ATP2B1: variants seen among roughly 807,000 people sequenced by gnomAD.
ATP2B1 encodes ATPase plasma membrane Ca2+ transporting 1, also known as plasma membrane calcium-transporting ATPase 1.
In ATP2B1, 14 loss-of-function variants were observed where a neutral mutation model predicts 124.2. That is an observed-to-expected ratio of 0.11 (90% CI 0.07 to 0.18). The LOEUF (loss-of-function observed/expected upper bound fraction) is 0.18. Ranked by LOEUF, ATP2B1 falls within the 10% of genes least tolerant of loss-of-function variation. The probability of loss-of-function intolerance (pLI) is 1.00; values close to 1 mark genes in which losing one functional copy is unlikely to be tolerated. For synonymous variants in ATP2B1, 449 were observed against 492.4 expected (o/e 0.91, Z 1.17); for missense variants, 763 against 1,466.1 (o/e 0.52, Z 7.83).
At chr12:89,633,244 C>G (rs1414813831) in intron 5 of ATP2B1, among the ~76,000 whole-genome samples, 1 of 151,928 alleles carries the variant, frequency 6.6e-6, no homozygotes, top group African/African-American at 2.4e-5. Context: ...TAAATGACAA[C>G]CACACCAATA....
chr12:89,636,065 A>G (rs1361684467), intron 3 of ATP2B1, among the ~76,000 whole-genome samples: 2 of 152,170 alleles, frequency 1.3e-5, no homozygotes, highest in East Asian at 3.8e-4. Context: ...GGGATAACTG[A>G]GGTTCAGTGA....
intron 11 of ATP2B1, 71 bp downstream of exon 11, chr12:89,619,925 CAAT>C (rs1224609132): frequency 2.6e-6 from 4 of 1,534,204 alleles, no homozygotes; most frequent in African/African-American, 1.4e-5. Flanking sequence ...AAGACAACAA[CAAT>C]AACAACACAG....
chr12:89,607,603 C>T (rs1458031018), intron 15 of ATP2B1, among the ~76,000 whole-genome samples: 4 of 152,070 alleles, frequency 2.6e-5, no homozygotes, highest in Non-Finnish European at 4.4e-5. Flanking sequence ...GGTTTTACTA[C>T]CATAGATGTA....
At chr12:89,659,490 G>C (rs990556072) in intron 1 of ATP2B1, among the ~76,000 whole-genome samples, 1 of 152,092 alleles carries the variant, frequency 6.6e-6, no homozygotes, top group African/African-American at 2.4e-5. Context: ...ACTGTGAATG[G>C]GTAGGGCCTT....
rs540084787 is a variant in ATP2B1, at chr12:89,621,815, C to A, written c.1345-24G>T. 325 of 824,276 alleles carry A rather than the reference C, an allele frequency of 3.9e-4. 1 individual carries two copies. In the East Asian group the frequency reaches 7.2e-3, roughly 18 times the overall value. The allele number at this position is 824,276 out of a possible 1,614,324, so 51.1% of individuals were successfully genotyped here. On this transcript the variant is annotated intron_variant, in intron 9 of 20. Transcript: ENST00000428670. Reference sequence around the variant, plus strand: ...TTCTACAGTGACCAAAAAAAAAAAACTAGTTAAGCTGCATATAAAACCAAT... The same window carrying A: ...TTCTACAGTGACCAAAAAAAAAAAAATAGTTAAGCTGCATATAAAACCAAT...
chr12:89,690,934 T>C (rs1890487218), intron 1 of ATP2B1, among the ~76,000 whole-genome samples: 1 of 152,164 alleles, frequency 6.6e-6, no homozygotes, highest in South Asian at 2.1e-4. Context: ...CCTAGCCTCT[T>C]GTACATTTTC....
chr12:89,636,478 G>A (rs1446415783), intron 3 of ATP2B1, among the ~76,000 whole-genome samples: 2 of 152,200 alleles, frequency 1.3e-5, no homozygotes, highest in African/African-American at 4.8e-5. Context: ...GGGTTGCTAT[G>A]TGAAGTTATT....
chr12:89,625,137 T>C lies in ATP2B1; in HGVS notation c.1130-740A>G, dbSNP rs148552618. ...TACAAAAATTAGCTGGGCATGGTGG[T>C]GCGTGCCTGTAATACCAGCTACTCA... On this transcript the variant is annotated intron_variant, in intron 8 of 20. Transcript: ENST00000428670. Among the ~76,000 whole-genome samples the C allele has an allele frequency of 6.1e-3, 925 of 151,952 alleles. 15 individuals are homozygous for C. Among genetic ancestry groups the C allele is most frequent in the African/African-American group, 0.022 (904 of 41,400 alleles).
intron 1 of ATP2B1, among the ~76,000 whole-genome samples, chr12:89,676,570 C>T (rs180822477): frequency 7.5e-4 from 114 of 152,092 alleles, no homozygotes; most frequent in African/African-American, 2.7e-3. Context: ...GCTACCACAC[C>T]CAGCTATATT....
rs575369919 is a variant in ATP2B1, at chr12:89,617,051, T to C, written c.1830-12A>G. ...AGATTTTGAAACACCTAAAAGGAAA[T>C]GTTGAATCCAAACATCAATAATTTA... is the stretch of plus-strand genomic sequence containing the variant. On this transcript the variant is annotated splice_polypyrimidine_tract_variant and intron_variant, in intron 11 of 20. Transcript: ENST00000428670. 39 of 1,591,512 alleles carry C rather than the reference T, an allele frequency of 2.5e-5. No individual in the cohort carries two copies. Among genetic ancestry groups the C allele is most frequent in the African/African-American group, 5.4e-5 (4 of 74,344 alleles).
chr12:89,668,520 T>C (rs989071815), intron 1 of ATP2B1, among the ~76,000 whole-genome samples: 53 of 152,312 alleles, frequency 3.5e-4, no homozygotes, highest in African/African-American at 1.2e-3. Context: ...ATATAGGCAA[T>C]TGAAATTATT....
At chr12:89,652,591 C>T (rs1210105802) in intron 2 of ATP2B1, among the ~76,000 whole-genome samples, 2 of 152,196 alleles carry the variant, frequency 1.3e-5, no homozygotes, top group African/African-American at 4.8e-5. Context: ...GTACAAACTC[C>T]TAATTGCTTA....
intron 5 of ATP2B1, among the ~76,000 whole-genome samples, chr12:89,630,934 AT>A (rs1053985970): frequency 1.3e-5 from 2 of 151,574 alleles, no homozygotes; most frequent in African/African-American, 4.8e-5. Flanking sequence ...CACTCTGCTA[AT>A]TTTTTTAAAA....
intron 1 of ATP2B1, among the ~76,000 whole-genome samples, chr12:89,697,637 A>G (rs948502660): frequency 1.5e-4 from 23 of 150,356 alleles, no homozygotes; most frequent in Non-Finnish European, 3.2e-4. Context: ...TTATACATGC[A>G]TAAAGTCTGT....
At chr12:89,626,428 A>C in intron 8 of ATP2B1, 26 bp downstream of exon 8, 1 of 1,559,218 alleles carries the variant, frequency 6.4e-7, no homozygotes, top group Non-Finnish European at 8.6e-7. Flanking sequence ...AAAATAAAAC[A>C]CTTTATTTTC....
rs748938974 is a variant in ATP2B1, at chr12:89,630,652, C to A, written c.788-7G>T. 6.8e-7 allele frequency: 1 copy of A among 1,467,652 alleles called. No homozygotes were observed. The highest frequency in any genetic ancestry group is 1.6e-5 in the South Asian group (1 of 63,244). The allele number at this position is 1,467,652 out of a possible 1,614,324, so 90.9% of individuals were successfully genotyped here. A position where few individuals can be genotyped will look rare whatever the true frequency, so the allele number is the denominator to read the frequency against. ...CCTTCCATTACATGAGTACCTATAA[C>A]CAAAAACATAGTTTGTTTTTAAAAA... On this transcript the variant is annotated splice_polypyrimidine_tract_variant and splice_region_variant and intron_variant, in intron 5 of 20. Coordinates refer to ENST00000428670, the MANE Select transcript of ATP2B1 (RefSeq NM_001366521.1).
chr12:89,691,388 T>C (rs538260778), intron 1 of ATP2B1, among the ~76,000 whole-genome samples: 2 of 152,274 alleles, frequency 1.3e-5, no homozygotes, highest in South Asian at 4.1e-4. Context: ...GTGACTGTTA[T>C]TAGTATGATA....
intron 1 of ATP2B1, among the ~76,000 whole-genome samples, chr12:89,702,368 C>T (rs746149726): frequency 6.6e-6 from 1 of 152,092 alleles, no homozygotes; most frequent in Non-Finnish European, 1.5e-5. Context: ...AGTGAAGAAA[C>T]TGTGGTTTAA....
At chr12:89,610,671 T>A in intron 13 of ATP2B1, 163 bp from the exon 14 acceptor site, 1 of 621,516 alleles carries the variant, frequency 1.6e-6, no homozygotes, top group Admixed American at 2.9e-5. Context: ...TGGACCCAGA[T>A]CTATCTTAGC....
Sources: allele counts gnomAD v4.1 joint callset (sites outside exome capture counted in the v4.1 genomes callset), GRCh38; gene constraint gnomAD v4.1.1; transcripts MANE v1.5; gene names NCBI Gene and HGNC (gene_info 2026-07-23, HGNC 2026-07-21).